The following ULK2 variants were observed in gnomAD, a reference collection of about 807,000 sequenced individuals.
The protein encoded by ULK2 is serine/threonine-protein kinase ULK2.
In ULK2, 76 loss-of-function variants were observed where a neutral mutation model predicts 127.5. That is an observed-to-expected ratio of 0.60 (90% CI 0.50 to 0.72). ULK2 has a LOEUF of 0.72. ULK2 is among the 30% of genes least tolerant of loss of function. The pLI is 0.00. For missense variants in ULK2, 1,144 were observed against 1,295.9 expected (o/e 0.88, Z 1.80); for synonymous variants, 452 against 461.9 (o/e 0.98, Z 0.28).
chr17:19,793,170 C>T (rs372102973), intron 20 of ULK2, among the ~76,000 whole-genome samples: 102 of 152,154 alleles, frequency 6.7e-4, no homozygotes, highest in African/African-American at 2.3e-3. Flanking sequence ...GGAGAAATGC[C>T]AAGCAAAGCG....
chr17:19,853,515 T>C (rs947349966), intron 3 of ULK2, among the ~76,000 whole-genome samples: 1 of 152,036 alleles, frequency 6.6e-6, no homozygotes, highest in African/African-American at 2.4e-5. Flanking sequence ...TCAGGCAGTT[T>C]CTATGGTTTA....
chr17:19,796,258 T>C lies in ULK2; in HGVS notation c.1834A>G (p.Lys612Glu). ...AACAGGTTGGAAGATGCTTGAGTTTTAGGGATTTTGAAAGGAGCTGTGGTC... is the reference window on the plus strand; with the variant it reads ...AACAGGTTGGAAGATGCTTGAGTTTCAGGGATTTTGAAAGGAGCTGTGGTC... ...TKTTAPFKIPKTQASSNLLAL... is the reference protein window; with the variant it reads ...TKTTAPFKIPETQASSNLLAL... The change falls in exon 19 of 27, where the codon AAA (lysine) becomes GAA (glutamate). Residue 612 changes from lysine (K) to glutamate (E), a missense_variant. Lys to Glu is a moderately conservative substitution (Grantham distance 56, BLOSUM62 1). Around this residue, in one of 2 missense-constraint regions of ULK2, gnomAD observed 913 missense variants for 970.5 expected, o/e 0.94. Coordinates refer to ENST00000395544, the MANE Select transcript of ULK2 (RefSeq NM_014683.4). 2 of 1,611,454 alleles carry C rather than the reference T, an allele frequency of 1.2e-6. No homozygotes were observed. The highest frequency in any genetic ancestry group is 1.7e-6 in the Non-Finnish European group (2 of 1,179,614).
intron 1 of ULK2, among the ~76,000 whole-genome samples, chr17:19,866,132 T>C (rs1213814376): frequency 6.6e-6 from 1 of 152,054 alleles, no homozygotes; most frequent in Non-Finnish European, 1.5e-5. Context: ...GGTGATACAG[T>C]TAATTGAAAA....
At chr17:19,867,304 G>C (rs769524227) in intron 1 of ULK2, 24 bp downstream of exon 1, 4 of 1,539,092 alleles carry the variant, frequency 2.6e-6, no homozygotes, top group Middle Eastern at 1.8e-4. Context: ...CCCGGGGCCC[G>C]GCCTCGCCCC....
chr17:19,852,526 A>G (rs2042040943), intron 3 of ULK2, among the ~76,000 whole-genome samples: 3 of 151,876 alleles, frequency 2.0e-5, no homozygotes, highest in African/African-American at 7.3e-5. Context: ...CTCAAAAAAA[A>G]AAAAAAAAAA....
chr17:19,800,021 T>C (rs1567685809), intron 16 of ULK2, among the ~76,000 whole-genome samples: 1 of 152,206 alleles, frequency 6.6e-6, no homozygotes, highest in Non-Finnish European at 1.5e-5. Context: ...TTCAGGCTTG[T>C]TGAAGCGGGT....
intron 3 of ULK2, among the ~76,000 whole-genome samples, chr17:19,858,719 C>T (rs997057748): frequency 6.6e-5 from 10 of 152,110 alleles, no homozygotes; most frequent in South Asian, 6.2e-4. Flanking sequence ...TCTGTAATCC[C>T]AGAACTTTGG....
rs750252930 is a variant in ULK2 at position 19,867,424 on chromosome 17, GC to G, written c.-8del. ...AGTCACCCACCACCTCCATGGCCGC[GC>G]CCCCGGGGCACACAGCGGACGGGCG... On this transcript the variant is annotated 5_prime_UTR_variant, in exon 1 of 27. Coordinates refer to ENST00000395544, the MANE Select transcript of ULK2 (RefSeq NM_014683.4). 1.4e-5 allele frequency: 22 copies of G among 1,587,526 alleles called. No individual in the cohort carries two copies. Among genetic ancestry groups the G allele is most frequent in the East Asian group, 2.4e-5 (1 of 41,686 alleles).
intron 2 of ULK2, 53 bp from the exon 3 acceptor site, chr17:19,864,897 ATATTT>A: frequency 1.2e-6 from 1 of 818,838 alleles, no homozygotes; most frequent in Non-Finnish European, 1.7e-6. Context: ...TGACTTTACT[ATATTT>A]TAATATGTAA....
At chr17:19,846,233 T>A (rs1236802871) in intron 6 of ULK2, among the ~76,000 whole-genome samples, 1 of 152,198 alleles carries the variant, frequency 6.6e-6, no homozygotes, top group Non-Finnish European at 1.5e-5. Context: ...GAGCTCCTGA[T>A]GTGGGCCTGT....
intron 25 of ULK2, among the ~76,000 whole-genome samples, chr17:19,779,801 G>C (rs1292697801): frequency 6.6e-6 from 1 of 152,130 alleles, no homozygotes; most frequent in East Asian, 1.9e-4. Flanking sequence ...TTTCCTAAGA[G>C]TTTTATCAAG....
chr17:19,812,738 A>C (rs1026753873), intron 13 of ULK2, among the ~76,000 whole-genome samples: 1 of 152,260 alleles, frequency 6.6e-6, no homozygotes, highest in Admixed American at 6.5e-5. Flanking sequence ...CCACCATCAT[A>C]AAGTCAAAAA....
intron 20 of ULK2, among the ~76,000 whole-genome samples, chr17:19,790,066 G>A (rs767867533): frequency 1.3e-5 from 2 of 152,150 alleles, no homozygotes; most frequent in Non-Finnish European, 2.9e-5. Context: ...CAAGGAGATA[G>A]AGTATTTTTA....
rs535480650 is a variant in ULK2, at chr17:19,808,949, G to A, written c.1157+1429C>T. On this transcript the variant is annotated intron_variant, in intron 14 of 26. Transcript: ENST00000395544. Reference sequence around the variant, plus strand: ...ACATATCCAAAGGTACTGAAAGCAGGATCTTAAGGAGATATTTACACACTC... The same window carrying A: ...ACATATCCAAAGGTACTGAAAGCAGAATCTTAAGGAGATATTTACACACTC... Among the ~76,000 whole-genome samples the A allele has an allele frequency of 4.6e-5, 7 of 152,278 alleles. No homozygotes were observed. In the South Asian group the frequency reaches 1.2e-3, roughly 27 times the overall value.
At chr17:19,858,610 G>A (rs879005466) in intron 3 of ULK2, among the ~76,000 whole-genome samples, 1 of 151,926 alleles carries the variant, frequency 6.6e-6, no homozygotes. Flanking sequence ...CAATGGGAAC[G>A]TCACAGAAGA....
chr17:19,790,427 A>AATTGAATT (rs2087127204), intron 20 of ULK2, among the ~76,000 whole-genome samples: 2 of 152,300 alleles, frequency 1.3e-5, no homozygotes, highest in African/African-American at 4.8e-5. Flanking sequence ...CAAAAATAAA[A>AATTGAATT]AAATTGAATT....
chr17:19,864,820 C>A lies in ULK2; in HGVS notation c.208G>T (p.Ala70Ser). The change falls in exon 3 of 27, where the codon GCA (alanine) becomes TCA (serine). Residue 70 changes from alanine to serine, a missense_variant. Physicochemically the swap from Ala to Ser is moderately conservative, Grantham distance 99. Transcript: ENST00000395544. ...LKELQHENIVALYDVQELPNS... is the reference protein window; with the variant it reads ...LKELQHENIVSLYDVQELPNS... ...TAAGGTACCTGAACATCATAGAGTG[C>A]TACAATATTTTCATGCTGAAGTTCC... 7.6e-7 allele frequency: 1 copy of A among 1,323,750 alleles called. No individual in the cohort carries two copies. The highest frequency in any genetic ancestry group is 1.0e-6 in the Non-Finnish European group (1 of 1,003,920). The allele number at this position is 1,323,750 out of a possible 1,614,324, so 82.0% of individuals were successfully genotyped here. A position where few individuals can be genotyped will look rare whatever the true frequency, so the allele number is the denominator to read the frequency against.
intron 21 of ULK2, 157 bp from the exon 22 acceptor site, chr17:19,784,062 G>T: frequency 2.0e-6 from 1 of 488,848 alleles, no homozygotes; most frequent in Non-Finnish European, 3.2e-6. Flanking sequence ...GATATTAATA[G>T]TTTTTACTTA....
chr17:19,783,190 C>T (rs9912443), intron 22 of ULK2, among the ~76,000 whole-genome samples: 4,691 of 152,110 alleles, frequency 0.031, 227 homozygotes, highest in African/African-American at 0.11. Context: ...AGAATGCTCA[C>T]GCCTGTAATC....
Sources: gnomAD v4.1 joint callset for allele counts (sites outside exome capture counted in the v4.1 genomes callset) on GRCh38, gnomAD v4.1.1 for gene constraint, gnomAD v4.1.1 regional missense constraint, MANE v1.5 for transcripts, NCBI Gene and HGNC (gene_info 2026-07-23, HGNC 2026-07-21) for gene names.